The following MVB12B variants were observed in gnomAD, a reference collection of about 807,000 sequenced individuals.
MVB12B encodes the protein ESCRT-I complex subunit MVB12B.
A neutral mutation model predicts 41.6 loss-of-function variants in MVB12B; 16 were observed. The observed-to-expected ratio is 0.38, with a 90% CI of 0.26 to 0.58. The LOEUF (loss-of-function observed/expected upper bound fraction) is 0.58, where lower values mean the gene tolerates loss of function less well. Ranked by LOEUF, MVB12B falls within the 20% of genes least tolerant of loss-of-function variation. MVB12B has a pLI of 0.62. For synonymous variants in MVB12B, 133 were observed against 139.7 expected (o/e 0.95, Z 0.34); for missense variants, 274 against 380.2 (o/e 0.72, Z 2.32).
In MVB12B at chr9:126,454,753, A is replaced by C. The variant is rs961699155; in HGVS notation, c.758-26616A>C. Among the ~76,000 whole-genome samples, 5 of 151,550 alleles carry C rather than the reference A, an allele frequency of 3.3e-5. 1 individual carries two copies. The South Asian group carries it at 6.2e-4, about 19-fold the overall frequency. ...ATGTGCATGCCACGTAATACAGTGA[A>C]TAGCCTTCTGGTAGGGGTCGATGAC... is the stretch of plus-strand genomic sequence containing the variant. On this transcript the variant is annotated intron_variant, in intron 7 of 9. Coordinates refer to ENST00000361171, the MANE Select transcript of MVB12B (RefSeq NM_033446.3).
At chr9:126,362,811 A>C (rs963527528) in intron 2 of MVB12B, among the ~76,000 whole-genome samples, 7 of 152,328 alleles carry the variant, frequency 4.6e-5, no homozygotes, top group African/African-American at 1.2e-4. Flanking sequence ...TGACCTTGCT[A>C]ATGTAAATGG....
intron 7 of MVB12B, among the ~76,000 whole-genome samples, chr9:126,464,760 C>A (rs1833163913): frequency 6.6e-6 from 1 of 152,206 alleles, no homozygotes. Context: ...CTTCACATAG[C>A]GGAAGGCAGT....
chr9:126,483,873 C>T, intron 8 of MVB12B, 100 bp from the exon 9 acceptor site: 1 of 1,231,860 alleles, frequency 8.1e-7, no homozygotes, highest in East Asian at 2.3e-5. Flanking sequence ...AACGCTAGAT[C>T]ACACCGTGGC....
At chr9:126,419,967 C>A (rs931170506) in intron 6 of MVB12B, among the ~76,000 whole-genome samples, 1 of 152,080 alleles carries the variant, frequency 6.6e-6, no homozygotes, top group African/African-American at 2.4e-5. Context: ...TGGTGTTTGG[C>A]GCCCTTTCCA....
intron 2 of MVB12B, among the ~76,000 whole-genome samples, chr9:126,345,078 C>A (rs531219832): frequency 3.3e-5 from 5 of 152,274 alleles, no homozygotes; most frequent in African/African-American, 4.8e-5. Context: ...TTTAGTGAGA[C>A]CTTTCTGGGA....
At chr9:126,417,881 T>C (rs1320301507) in intron 6 of MVB12B, among the ~76,000 whole-genome samples, 1 of 152,020 alleles carries the variant, frequency 6.6e-6, no homozygotes, top group African/African-American at 2.4e-5. Flanking sequence ...GAAGTATGAA[T>C]AGGAGTTTGG....
intron 6 of MVB12B, among the ~76,000 whole-genome samples, chr9:126,408,623 T>C (rs16928980): frequency 0.12 from 18,802 of 151,896 alleles, 1,565 homozygotes; most frequent in East Asian, 0.38. Context: ...GTCCCTCCTT[T>C]TCGGCTTCTC....
At chr9:126,464,236 C>T (rs970310495) in intron 7 of MVB12B, among the ~76,000 whole-genome samples, 4 of 152,130 alleles carry the variant, frequency 2.6e-5, no homozygotes, top group Non-Finnish European at 4.4e-5. Context: ...CAGGGGGTAA[C>T]GTTTCTGCCC....
At chr9:126,470,535 G>A (rs56151235) in intron 7 of MVB12B, among the ~76,000 whole-genome samples, 21 of 152,096 alleles carry the variant, frequency 1.4e-4, no homozygotes, top group South Asian at 4.1e-4. Flanking sequence ...GAGGTGGGGG[G>A]GCTGGTGGCC....
At chr9:126,447,329 T>C (rs1400632817) in intron 7 of MVB12B, among the ~76,000 whole-genome samples, 2 of 151,610 alleles carry the variant, frequency 1.3e-5, no homozygotes, top group Non-Finnish European at 2.9e-5. Flanking sequence ...TTGTTTTCTG[T>C]CCTTTTTTGA....
In MVB12B at chr9:126,388,924, TC is replaced by T. The variant is rs527747168; in HGVS notation, c.409+2267del. Among the ~76,000 whole-genome samples the T allele has an allele frequency of 5.9e-5, 9 of 152,374 alleles. No individual in the cohort carries two copies. The South Asian group carries it at 1.9e-3, about 32-fold the overall frequency. ...ACAGTTTTAAAATTTGCATTGGTGT[TC>T]GTTTTTTGACAGTCAGTTGACTTCG... On this transcript the variant is annotated intron_variant, in intron 4 of 9. Coordinates refer to ENST00000361171, the MANE Select transcript of MVB12B (RefSeq NM_033446.3).
chr9:126,470,639 C>T (rs1417557838), intron 7 of MVB12B, among the ~76,000 whole-genome samples: 4 of 109,474 alleles, frequency 3.7e-5, no homozygotes, highest in Non-Finnish European at 7.5e-5. Context: ...TAGGAGGAGT[C>T]AGTGCTCTGT....
At chr9:126,455,306 G>A (rs1333562279) in intron 7 of MVB12B, among the ~76,000 whole-genome samples, 1 of 151,868 alleles carries the variant, frequency 6.6e-6, no homozygotes, top group African/African-American at 2.4e-5. Context: ...TCCTGCCTCA[G>A]CCTCCCGAGT....
chr9:126,387,227 TTC>T (rs972174398), intron 4 of MVB12B, among the ~76,000 whole-genome samples: 1 of 152,176 alleles, frequency 6.6e-6, no homozygotes, highest in Non-Finnish European at 1.5e-5. Flanking sequence ...CCCTTGGAGC[TTC>T]TTGACCCACA....
At chr9:126,453,748 A>T (rs991301290) in intron 7 of MVB12B, among the ~76,000 whole-genome samples, 1 of 152,226 alleles carries the variant, frequency 6.6e-6, no homozygotes, top group African/African-American at 2.4e-5. Flanking sequence ...TACCGTGTGC[A>T]TGGTCTTGCA....
chr9:126,449,611 T>C (rs1349329594), intron 7 of MVB12B, among the ~76,000 whole-genome samples: 1 of 152,224 alleles, frequency 6.6e-6, no homozygotes, highest in Non-Finnish European at 1.5e-5. Context: ...GGAATATTTC[T>C]GAACCTGGAC....
chr9:126,468,884 T>C lies in MVB12B; in HGVS notation c.758-12485T>C, dbSNP rs1357294735. ...TGGTTGTCTCTGGACCCTACTTCTA[T>C]GCAACAGTTAAAAAGGCTGAGACAC... On this transcript the variant is annotated intron_variant, in intron 7 of 9. Transcript: ENST00000361171. The surrounding 1 kb of genome is among the most constrained non-coding windows in gnomAD (Gnocchi z 4.3). Among the ~76,000 whole-genome samples, 1 of 152,202 alleles carries C rather than the reference T, an allele frequency of 6.6e-6. No individual in the cohort carries two copies. Among genetic ancestry groups the C allele is most frequent in the Non-Finnish European group, 1.5e-5 (1 of 68,042 alleles).
At chr9:126,346,180 G>A (rs534783336) in intron 2 of MVB12B, among the ~76,000 whole-genome samples, 16 of 152,284 alleles carry the variant, frequency 1.1e-4, no homozygotes, top group African/African-American at 3.4e-4. Context: ...AAAACCCTTC[G>A]GGGGAGGATA....
chr9:126,401,421 A>G (rs1831265699), intron 6 of MVB12B, among the ~76,000 whole-genome samples: 1 of 152,204 alleles, frequency 6.6e-6, no homozygotes, highest in Admixed American at 6.5e-5. Context: ...TTTTGCATGG[A>G]TGTTATCAAT....
Sources: gnomAD v4.1 joint callset for allele counts (sites outside exome capture counted in the v4.1 genomes callset) on GRCh38, gnomAD v4.1.1 for gene constraint, Gnocchi (gnomAD v3.1) non-coding constraint, MANE v1.5 for transcripts, NCBI Gene and HGNC (gene_info 2026-07-23, HGNC 2026-07-21) for gene names.